Variants in ACOXL observed in about 807,000 individuals in gnomAD.
ACOXL encodes the protein acyl-coenzyme A oxidase-like protein.
In ACOXL, 70 loss-of-function variants were observed where a neutral mutation model predicts 71.9. The observed-to-expected ratio is 0.97, with a 90% confidence interval of 0.80 to 1.19. The LOEUF is 1.19. Among genes scored for constraint, ACOXL ranks in the 50% most tolerant of loss-of-function variants. The pLI is 0.00. For synonymous variants in ACOXL, 253 were observed against 281.6 expected (o/e 0.90, Z 1.02); for missense variants, 703 against 736.3 (o/e 0.95, Z 0.52).
chr2:111,109,671 A>ATTTTTTTTTTTTT (rs869081161), intron 17 of ACOXL, among the ~76,000 whole-genome samples: 6 of 75,666 alleles, frequency 7.9e-5, no homozygotes, highest in Admixed American at 1.9e-4. Flanking sequence ...TTCTCCTTCT[A>ATTTTTTTTTTTTT]TTTTTTTTTT....
intron 16 of ACOXL, among the ~76,000 whole-genome samples, chr2:111,078,901 A>G (rs1372840374): frequency 3.9e-5 from 6 of 152,156 alleles, no homozygotes; most frequent in African/African-American, 1.2e-4. Context: ...GCAAATTTCA[A>G]TGCACCTTCT....
intron 1 of ACOXL, among the ~76,000 whole-genome samples, chr2:110,748,064 C>T (rs1678456251): frequency 6.6e-6 from 1 of 152,100 alleles, no homozygotes; most frequent in Non-Finnish European, 1.5e-5. Flanking sequence ...GCCATCCATC[C>T]CCTGTGAGGC....
Position 110,832,929 on chromosome 2 carries a change from A to G in ACOXL, c.754-8442A>G, listed in dbSNP as rs150552984. Among the ~76,000 whole-genome samples the G allele has an allele frequency of 3.7e-3, 557 of 152,316 alleles. 18 individuals carry two copies. The South Asian group carries it at 0.069, about 19-fold the overall frequency. On this transcript the variant is annotated intron_variant, in intron 9 of 17. Transcript: ENST00000439055. ...TCAGATTTATAAAGTGATAGCGCCAAATGCTGGTGAGGATGTAGAAAAACA... is the reference window on the plus strand; with the variant it reads ...TCAGATTTATAAAGTGATAGCGCCAGATGCTGGTGAGGATGTAGAAAAACA...
In ACOXL at chr2:110,812,929, G is replaced by T. The variant is rs11682855; in HGVS notation, c.753+7534G>T. On this transcript the variant is annotated intron_variant, in intron 9 of 17. Transcript: ENST00000439055. ...GTGTGGAGCCTCTGTGGTTACACTGGCAGGAGGGACATGTGGCAGCGGGTA... is the reference window on the plus strand; with the variant it reads ...GTGTGGAGCCTCTGTGGTTACACTGTCAGGAGGGACATGTGGCAGCGGGTA... Among the ~76,000 whole-genome samples, 752 of 152,286 alleles carry T rather than the reference G, an allele frequency of 4.9e-3. 5 individuals carry two copies. The highest frequency in any genetic ancestry group is 0.011 in the Admixed American group (175 of 15,292).
intron 10 of ACOXL, among the ~76,000 whole-genome samples, chr2:110,886,382 T>TTTTC (rs1553414141): frequency 3.5e-5 from 5 of 144,782 alleles, no homozygotes; most frequent in African/African-American, 1.3e-4. Context: ...TTCTTTTTCT[T>TTTTC]TTTTTTTTTT....
chr2:110,775,846 A>G (rs1366939849), intron 2 of ACOXL, among the ~76,000 whole-genome samples: 1 of 152,244 alleles, frequency 6.6e-6, no homozygotes, highest in Non-Finnish European at 1.5e-5. Context: ...GGAACACAAT[A>G]TGGCATTTCC....
intron 9 of ACOXL, among the ~76,000 whole-genome samples, chr2:110,818,207 C>T (rs1349390038): frequency 6.6e-6 from 1 of 151,562 alleles, no homozygotes; most frequent in Non-Finnish European, 1.5e-5. Flanking sequence ...CCAGCCTGGT[C>T]AACATGAAAC....
intron 12 of ACOXL, among the ~76,000 whole-genome samples, chr2:110,966,276 A>G (rs1214969934): frequency 6.6e-6 from 1 of 152,186 alleles, no homozygotes; most frequent in Non-Finnish European, 1.5e-5. Flanking sequence ...CTCAGCAGCA[A>G]CAAGAACCAA....
intron 14 of ACOXL, among the ~76,000 whole-genome samples, chr2:111,019,393 AG>A (rs1482861685): frequency 1.3e-5 from 2 of 152,266 alleles, no homozygotes. Context: ...ATGACCAAAA[AG>A]AATGGATCAT....
At chr2:110,738,898 C>T (rs925790364) in intron 1 of ACOXL, among the ~76,000 whole-genome samples, 1 of 152,090 alleles carries the variant, frequency 6.6e-6, no homozygotes, top group African/African-American at 2.4e-5. Flanking sequence ...TCTTCCAACT[C>T]TTCTTGAGTT....
At chr2:110,764,963 T>C (rs780863758) in intron 1 of ACOXL, among the ~76,000 whole-genome samples, 6 of 152,246 alleles carry the variant, frequency 3.9e-5, no homozygotes. Flanking sequence ...TTAAGTCAGC[T>C]TGCTAGCAAA....
chr2:110,777,847 C>T (rs891854649), intron 2 of ACOXL, among the ~76,000 whole-genome samples: 2 of 152,164 alleles, frequency 1.3e-5, no homozygotes, highest in Non-Finnish European at 2.9e-5. Context: ...GAGGCCACAC[C>T]ACTTCAAGGA....
At chr2:110,749,175 A>G (rs1319872191) in intron 1 of ACOXL, among the ~76,000 whole-genome samples, 1 of 152,160 alleles carries the variant, frequency 6.6e-6, no homozygotes, top group African/African-American at 2.4e-5. Flanking sequence ...TTGATTTTTG[A>G]TTTAGATTTT....
intron 10 of ACOXL, among the ~76,000 whole-genome samples, chr2:110,898,069 T>G (rs1233013668): frequency 6.6e-6 from 1 of 152,154 alleles, no homozygotes; most frequent in Non-Finnish European, 1.5e-5. Flanking sequence ...TGAATAACCT[T>G]TTAACTGCTA....
At chr2:110,933,666 C>T (rs2060561537) in intron 12 of ACOXL, 24 bp downstream of exon 12, 1 of 1,596,010 alleles carries the variant, frequency 6.3e-7, no homozygotes, top group African/African-American at 1.3e-5. Flanking sequence ...CCTGCAGCCC[C>T]CGTGGGTCCC....
intron 16 of ACOXL, among the ~76,000 whole-genome samples, chr2:111,054,685 G>T (rs1312815196): frequency 6.6e-6 from 1 of 152,164 alleles, no homozygotes; most frequent in East Asian, 1.9e-4. Flanking sequence ...CCATGGTCTG[G>T]CCAGATGCAA....
At chr2:111,040,529 A>G (rs1296984266) in intron 15 of ACOXL, among the ~76,000 whole-genome samples, 1 of 152,212 alleles carries the variant, frequency 6.6e-6, no homozygotes, top group Non-Finnish European at 1.5e-5. Context: ...TAAAAGGTCC[A>G]GTATGAAACA....
At chr2:110,900,708 A>C (rs2059200577) in intron 10 of ACOXL, among the ~76,000 whole-genome samples, 1 of 152,218 alleles carries the variant, frequency 6.6e-6, no homozygotes, top group South Asian at 2.1e-4. Flanking sequence ...GACTCAGTAC[A>C]AAGGCAGCCA....
intron 14 of ACOXL, among the ~76,000 whole-genome samples, chr2:111,008,834 G>T (rs2063997564): frequency 6.6e-6 from 1 of 152,132 alleles, no homozygotes; most frequent in African/African-American, 2.4e-5. Context: ...ACTTCATGTA[G>T]CTCTAATTAT....
Sources: allele counts gnomAD v4.1 joint callset (sites outside exome capture counted in the v4.1 genomes callset), GRCh38; gene constraint gnomAD v4.1.1; transcripts MANE v1.5; gene names NCBI Gene and HGNC (gene_info 2026-07-23, HGNC 2026-07-21).